Variants in CCSER1 observed in about 807,000 individuals in gnomAD.
CCSER1 encodes coiled-coil serine rich protein 1.
CCSER1 carries 41 observed loss-of-function variants against 82.0 expected under a neutral mutation model. The observed-to-expected ratio is 0.50, with a 90% confidence interval of 0.39 to 0.65. The LOEUF is 0.65. Among genes scored for constraint, CCSER1 ranks in the 30% least tolerant of loss-of-function variants. The pLI, the probability that CCSER1 is intolerant of heterozygous loss-of-function variation, is 0.00. For synonymous variants in CCSER1, 414 were observed against 383.9 expected (o/e 1.08, Z -0.92); for missense variants, 1,119 against 1,064.2 (o/e 1.05, Z -0.72).
At chr4:91,176,984 G>A (rs1012248114) in intron 10 of CCSER1, among the ~76,000 whole-genome samples, 1 of 152,124 alleles carries the variant, frequency 6.6e-6, no homozygotes, top group African/African-American at 2.4e-5. Flanking sequence ...ATTATTTTGA[G>A]ATACGTCCCA....
intron 10 of CCSER1, among the ~76,000 whole-genome samples, chr4:91,283,608 T>C (rs1024237151): frequency 1.3e-5 from 2 of 152,130 alleles, no homozygotes; most frequent in Admixed American, 1.3e-4. Context: ...TGGTGTGTTA[T>C]ATATATTTTT....
At chr4:90,259,189 C>T (rs545752075) in intron 1 of CCSER1, among the ~76,000 whole-genome samples, 1 of 151,964 alleles carries the variant, frequency 6.6e-6, no homozygotes. Flanking sequence ...ATAGTTTTCA[C>T]CTTTTTAGTT....
chr4:90,742,091 C>CAGAG lies in CCSER1; in HGVS notation c.2010+18116_2010+18119dup, dbSNP rs139712842. On this transcript the variant is annotated intron_variant, in intron 7 of 10. Coordinates refer to ENST00000509176, the MANE Select transcript of CCSER1 (RefSeq NM_001145065.2). ...TTCAAATGGCAGAAGGAGAGGGAGA[C>CAGAG]AGAGAGAGAGAGAGAGAGAAAAGGG... Among the ~76,000 whole-genome samples, 10 of 149,154 alleles carry CAGAG rather than the reference C, an allele frequency of 6.7e-5. No individual in the cohort carries two copies. In the South Asian group the frequency reaches 1.7e-3, roughly 25 times the overall value.
chr4:90,321,506 A>T (rs1184000489), intron 3 of CCSER1, among the ~76,000 whole-genome samples: 1 of 152,172 alleles, frequency 6.6e-6, no homozygotes, highest in Non-Finnish European at 1.5e-5. Context: ...GCTATTGTGA[A>T]TAGTGCTGCA....
intron 5 of CCSER1, among the ~76,000 whole-genome samples, chr4:90,534,621 T>TA (rs1201270429): frequency 6.6e-6 from 1 of 152,108 alleles, no homozygotes; most frequent in Admixed American, 6.6e-5. Context: ...CAGAGATACA[T>TA]AAAAAAATAG....
chr4:90,246,097 T>G (rs1721354065), intron 1 of CCSER1, among the ~76,000 whole-genome samples: 1 of 152,154 alleles, frequency 6.6e-6, no homozygotes, highest in African/African-American at 2.4e-5. Flanking sequence ...AATTGTGGAT[T>G]GGTATTTCAA....
At chr4:90,506,718 T>C (rs1023794003) in intron 5 of CCSER1, among the ~76,000 whole-genome samples, 4 of 151,828 alleles carry the variant, frequency 2.6e-5, no homozygotes, top group African/African-American at 7.3e-5. Flanking sequence ...TGAGCCAAAA[T>C]TGTGCCATTG....
At chr4:91,004,392 A>T (rs190508011) in intron 9 of CCSER1, among the ~76,000 whole-genome samples, 357 of 152,338 alleles carry the variant, frequency 2.3e-3, no homozygotes, top group African/African-American at 7.4e-3. Flanking sequence ...TGCAACTCTG[A>T]TGCTGAACTA....
intron 3 of CCSER1, among the ~76,000 whole-genome samples, chr4:90,399,682 A>G (rs1752533774): frequency 6.6e-6 from 1 of 152,108 alleles, no homozygotes; most frequent in Admixed American, 6.5e-5. Flanking sequence ...TTTTTATTCA[A>G]ATAAACACTT....
chr4:90,745,158 G>T (rs1348072276), intron 7 of CCSER1, among the ~76,000 whole-genome samples: 3 of 151,990 alleles, frequency 2.0e-5, no homozygotes, highest in African/African-American at 7.3e-5. Context: ...CTTTCTGAAG[G>T]CTATAAGGGA....
At chr4:91,212,478 C>G (rs1416740911) in intron 10 of CCSER1, among the ~76,000 whole-genome samples, 1 of 151,996 alleles carries the variant, frequency 6.6e-6, no homozygotes, top group Non-Finnish European at 1.5e-5. Context: ...GACTGATGCA[C>G]TGTTCTCACT....
intron 1 of CCSER1, among the ~76,000 whole-genome samples, chr4:90,197,229 T>G (rs1189873584): frequency 6.6e-6 from 1 of 152,086 alleles, no homozygotes; most frequent in Non-Finnish European, 1.5e-5. Context: ...TAGGTTAAGG[T>G]ATGGTAGAAG....
At chr4:91,292,919 A>G (rs1283691842) in intron 10 of CCSER1, among the ~76,000 whole-genome samples, 2 of 152,076 alleles carry the variant, frequency 1.3e-5, no homozygotes, top group South Asian at 2.1e-4. Flanking sequence ...CTCCTCTCCC[A>G]TATGACATCT....
At chr4:91,503,027 T>C (rs1578638306) in intron 10 of CCSER1, among the ~76,000 whole-genome samples, 1 of 152,316 alleles carries the variant, frequency 6.6e-6, no homozygotes, top group East Asian at 1.9e-4. Context: ...TTTTAAATCT[T>C]TGTTTGTGGG....
chr4:90,513,355 T>C (rs1338714638), intron 5 of CCSER1, among the ~76,000 whole-genome samples: 1 of 152,156 alleles, frequency 6.6e-6, no homozygotes, highest in African/African-American at 2.4e-5. Context: ...AAACAACTGA[T>C]TTCATCAATG....
intron 7 of CCSER1, among the ~76,000 whole-genome samples, chr4:90,788,263 A>T (rs973561206): frequency 6.6e-6 from 1 of 152,118 alleles, no homozygotes; most frequent in Non-Finnish European, 1.5e-5. Context: ...TATCAACTCA[A>T]TTACTTATAT....
At chr4:90,187,642 A>G (rs1334048707) in intron 1 of CCSER1, among the ~76,000 whole-genome samples, 1 of 151,940 alleles carries the variant, frequency 6.6e-6, no homozygotes, top group Non-Finnish European at 1.5e-5. Context: ...CATTCTATTT[A>G]TAACATCTAT....
chr4:90,150,500 T>A (rs1215958074), intron 1 of CCSER1, among the ~76,000 whole-genome samples: 2 of 152,128 alleles, frequency 1.3e-5, no homozygotes, highest in Non-Finnish European at 2.9e-5. Context: ...ACTGTGTATG[T>A]GTAGAAAACG....
chr4:90,437,281 A>T (rs944342224), intron 4 of CCSER1, among the ~76,000 whole-genome samples: 3 of 152,022 alleles, frequency 2.0e-5, no homozygotes, highest in Non-Finnish European at 1.5e-5. Context: ...GCGCGCGCAC[A>T]CACACACATA....
Sources: gnomAD v4.1 joint callset for allele counts (sites outside exome capture counted in the v4.1 genomes callset) on GRCh38, gnomAD v4.1.1 for gene constraint, MANE v1.5 for transcripts, NCBI Gene and HGNC (gene_info 2026-07-23, HGNC 2026-07-21) for gene names.